Variants in CCDC141 observed in about 807,000 individuals in gnomAD.
The protein encoded by CCDC141 is coiled-coil domain containing 141, also known as coiled-coil domain-containing protein 141.
Under a neutral mutation model 181.0 loss-of-function variants are expected in CCDC141, and 168 were observed. The ratio of observed to expected loss-of-function variants is 0.93; its 90% CI spans 0.82 to 1.05. The LOEUF (loss-of-function observed/expected upper bound fraction) is 1.05. CCDC141 is among the 50% of genes least tolerant of loss of function. CCDC141 has a pLI of 0.00. For synonymous variants in CCDC141, 666 were observed against 642.3 expected (o/e 1.04, Z -0.56); for missense variants, 1,902 against 1,788.5 (o/e 1.06, Z -1.14).
chr2:178,913,747 C>G (rs1688320650), intron 7 of CCDC141, among the ~76,000 whole-genome samples: 2 of 152,066 alleles, frequency 1.3e-5, no homozygotes, highest in Admixed American at 1.3e-4. Flanking sequence ...CTTTGGCCAC[C>G]CCAACTTTTG....
Position 178,850,038 on chromosome 2 carries a change from G to A in CCDC141, c.3357+11C>T. 3.5e-6 allele frequency: 5 copies of A among 1,412,180 alleles called. No homozygotes were observed. Among genetic ancestry groups the A allele is most frequent in the Non-Finnish European group, 4.9e-6 (5 of 1,010,896 alleles). 87.5% of individuals were successfully genotyped at this position (1,412,180 alleles called of 1,614,324 possible). A position where few individuals can be genotyped will look rare whatever the true frequency, so the allele number is the denominator to read the frequency against. Reference sequence around the variant, plus strand: ...TGCTTGAAAATACATATTCTAGGAAGAAGAAATTACCTTCAGTTTTTCTTC... The same window carrying A: ...TGCTTGAAAATACATATTCTAGGAAAAAGAAATTACCTTCAGTTTTTCTTC... On this transcript the variant is annotated intron_variant, in intron 21 of 23. Coordinates refer to ENST00000443758, the MANE Select transcript of CCDC141 (RefSeq NM_173648.4).
intron 19 of CCDC141, 111 bp downstream of exon 19, chr2:178,855,236 A>G: frequency 1.2e-6 from 1 of 827,288 alleles, no homozygotes; most frequent in Non-Finnish European, 1.9e-6. Context: ...GAAAAGGAGC[A>G]TGATACATGA....
Position 178,850,031 on chromosome 2 carries a change from C to T in CCDC141, c.3357+18G>A. 7.5e-7 allele frequency: 1 copy of T among 1,334,242 alleles called. No individual in the cohort carries two copies. The highest frequency in any genetic ancestry group is 1.2e-5 in the South Asian group (1 of 80,430). The allele number at this position is 1,334,242 out of a possible 1,614,324, so 82.7% of individuals were successfully genotyped here. A position where few individuals can be genotyped will look rare whatever the true frequency, so the allele number is the denominator to read the frequency against. On this transcript the variant is annotated intron_variant, in intron 21 of 23. Transcript: ENST00000443758. The stretch of plus-strand genomic sequence containing the variant: ...TTTATTTTGCTTGAAAATACATATT[C>T]TAGGAAGAAGAAATTACCTTCAGTT...
At chr2:178,917,733 C>T (rs753569594) in intron 7 of CCDC141, among the ~76,000 whole-genome samples, 16 of 152,356 alleles carry the variant, frequency 1.1e-4, no homozygotes, top group Non-Finnish European at 2.1e-4. Context: ...AACAGGTGAA[C>T]ATTGCCACTT....
intron 5 of CCDC141, among the ~76,000 whole-genome samples, chr2:178,948,489 G>C (rs1689821714): frequency 6.6e-6 from 1 of 152,190 alleles, no homozygotes; most frequent in Non-Finnish European, 1.5e-5. Context: ...GTCAGGAGAA[G>C]AGCGGTGTGA....
chr2:178,965,760 G>A (rs949221785), intron 4 of CCDC141, among the ~76,000 whole-genome samples: 17 of 152,092 alleles, frequency 1.1e-4, no homozygotes, highest in African/African-American at 3.6e-4. Context: ...GAACACCAGC[G>A]AGACAAAACT....
In CCDC141 at chr2:178,918,196, G is replaced by A. The variant is rs752689614; in HGVS notation, c.1092+517C>T. On this transcript the variant is annotated intron_variant, in intron 7 of 23. Transcript: ENST00000443758. ...AGGCCAGCGCAGGAGGATCACTTGA[G>A]CCCAGGAGTTTGAGGCCAGCCTGCA... 3.0e-4 allele frequency among the ~76,000 whole-genome samples: 45 copies of A among 152,062 alleles called. 1 individual carries two copies. Among genetic ancestry groups the A allele is most frequent in the Middle Eastern group, 3.4e-3 (1 of 294 alleles).
At chr2:178,823,509 G>T in the CCDC141 span, among the ~76,000 whole-genome samples, 2 of 152,068 alleles carry the variant, frequency 1.3e-5, no homozygotes, top group African/African-American at 2.4e-5. Context: ...CTTAAGATAT[G>T]AGCTAGAAAA....
At chr2:178,920,610 C>A (rs1377281801) in intron 6 of CCDC141, among the ~76,000 whole-genome samples, 3 of 151,816 alleles carry the variant, frequency 2.0e-5, no homozygotes, top group African/African-American at 7.3e-5. Context: ...GTAGTTCCAG[C>A]TACTCGGTGG....
intron 5 of CCDC141, among the ~76,000 whole-genome samples, chr2:178,955,420 C>T (rs1271601680): frequency 6.6e-6 from 1 of 151,942 alleles, no homozygotes; most frequent in Non-Finnish European, 1.5e-5. Flanking sequence ...ACAGAGTAAG[C>T]GTTAATTATT....
intron 4 of CCDC141, among the ~76,000 whole-genome samples, chr2:178,964,018 G>T (rs1238510187): frequency 6.6e-6 from 1 of 152,154 alleles, no homozygotes; most frequent in African/African-American, 2.4e-5. Flanking sequence ...GATGGGGCTG[G>T]GGGTAGGGTT....
At chr2:178,829,603 CAG>C (rs1684180971), downstream of CCDC141, among the ~76,000 whole-genome samples, 1 of 152,162 alleles carries the variant, frequency 6.6e-6, no homozygotes, top group Non-Finnish European at 1.5e-5. Context: ...GTGATAAGCA[CAG>C]AGAAAATGAA....
chr2:178,843,484 A>G (rs2154366429), intron 22 of CCDC141, among the ~76,000 whole-genome samples: 1 of 152,344 alleles, frequency 6.6e-6, no homozygotes, highest in South Asian at 2.1e-4. Flanking sequence ...CACATTGGGA[A>G]TAAAACACCA....
At chr2:178,981,205 T>C (rs1292195161) in intron 2 of CCDC141, among the ~76,000 whole-genome samples, 1 of 152,162 alleles carries the variant, frequency 6.6e-6, no homozygotes, top group Admixed American at 6.5e-5. Context: ...CCGAAAATTA[T>C]GAAGCATATA....
chr2:178,873,364 C>T (rs913882555), intron 12 of CCDC141: 5 of 151,742 alleles, frequency 3.3e-5, no homozygotes, highest in African/African-American at 4.8e-5. Flanking sequence ...AGTAATAAAA[C>T]GTTATATTCC....
At chr2:179,004,947 G>GT (rs1431438668) in intron 2 of CCDC141, among the ~76,000 whole-genome samples, 1 of 152,114 alleles carries the variant, frequency 6.6e-6, no homozygotes, top group Non-Finnish European at 1.5e-5. Context: ...GGCCAGGCTG[G>GT]TTTTGAACTC....
rs1691224067 is a variant in CCDC141, at chr2:178,978,540, C to T, written c.361G>A (p.Glu121Lys). ...EAWAALVSML[E>K]RRTELLRLTS... Reference sequence around the variant, plus strand: ...AACCTAAGGAGCTCTGTTCTTCTTTCAAGCATGGACACCAGAGCTGCCCAT... The same window carrying T: ...AACCTAAGGAGCTCTGTTCTTCTTTTAAGCATGGACACCAGAGCTGCCCAT... The change falls in exon 3 of 24, where the codon GAA (glutamate) becomes AAA (lysine). Residue 121 changes from glutamate to lysine, a missense_variant. Transcript: ENST00000443758. 1 of 1,543,032 alleles carries T rather than the reference C, an allele frequency of 6.5e-7. No homozygotes were observed. Among genetic ancestry groups the T allele is most frequent in the Non-Finnish European group, 8.7e-7 (1 of 1,144,216 alleles).
chr2:178,952,315 T>G (rs1689982913), intron 5 of CCDC141, among the ~76,000 whole-genome samples: 1 of 152,222 alleles, frequency 6.6e-6, no homozygotes, highest in Non-Finnish European at 1.5e-5. Flanking sequence ...TGGTGAACAT[T>G]TGAAAATCAT....
chr2:178,984,793 C>T (rs1187644974), intron 2 of CCDC141, among the ~76,000 whole-genome samples: 1 of 151,976 alleles, frequency 6.6e-6, no homozygotes, highest in Non-Finnish European at 1.5e-5. Context: ...GCACCCAATA[C>T]AGGAGCACCC....
Sources: gnomAD v4.1 joint callset for allele counts (sites outside exome capture counted in the v4.1 genomes callset) on GRCh38, gnomAD v4.1.1 for gene constraint, MANE v1.5 for transcripts, NCBI Gene and HGNC (gene_info 2026-07-23, HGNC 2026-07-21) for gene names.